Variants in HDAC9 observed in about 807,000 individuals in gnomAD.
HDAC9 encodes the protein MEF-2 interacting transcription repressor (MITR) protein.
In HDAC9, 41 loss-of-function variants were observed where a neutral mutation model predicts 139.4. The ratio of observed to expected loss-of-function variants is 0.29; its 90% CI spans 0.23 to 0.38. HDAC9 has a LOEUF of 0.38. HDAC9 is among the 10% of genes least tolerant of loss of function. HDAC9 has a pLI of 1.00. For missense variants in HDAC9, 1,147 were observed against 1,297.0 expected, an observed-to-expected ratio of 0.88 and a Z score of 1.78; for synonymous variants, 517 against 476.2, an observed-to-expected ratio of 1.09 and a Z score of -1.12.
chr7:18,294,258 C>T (rs1482097035), intron 1 of HDAC9, among the ~76,000 whole-genome samples: 1 of 152,028 alleles, frequency 6.6e-6, no homozygotes, highest in Non-Finnish European at 1.5e-5. Context: ...ATCCCAGACC[C>T]TGGGATTAGA....
At chr7:18,514,593 A>G (rs1802576723) in intron 2 of HDAC9, among the ~76,000 whole-genome samples, 2 of 152,246 alleles carry the variant, frequency 1.3e-5, no homozygotes, top group African/African-American at 4.8e-5. Context: ...CAGCTGCTTA[A>G]TAAGTAAATA....
intron 2 of HDAC9, among the ~76,000 whole-genome samples, chr7:18,528,136 C>T (rs561867189): frequency 4.2e-4 from 64 of 150,828 alleles, no homozygotes; most frequent in African/African-American, 7.6e-4. Flanking sequence ...TCAGTCTCTA[C>T]GAAAATAAAA....
At chr7:18,200,587 T>A (rs955337893) in intron 2 of HDAC9, among the ~76,000 whole-genome samples, 2 of 152,198 alleles carry the variant, frequency 1.3e-5, no homozygotes, top group Non-Finnish European at 2.9e-5. Context: ...AAGCCGTAAT[T>A]CATCCGCAAG....
At position 18,149,270 on chromosome 7, in the gene HDAC9, T is replaced by G. The variant is rs1786571435; in HGVS notation, c.-96-12959T>G. Among the ~76,000 whole-genome samples, 4 of 151,440 alleles carry G rather than the reference T, an allele frequency of 2.6e-5. No homozygotes were observed. The South Asian group carries it at 8.3e-4, about 31-fold the overall frequency. ...TTTTGTTTTCTTACTCGTTTATACA[T>G]AAGAAAAAAGAAAAGAAAAAATAAT... On this transcript the variant is annotated intron_variant, in intron 1 of 12. Transcript: ENST00000417496.
chr7:18,314,950 A>G (rs1799539903), intron 1 of HDAC9, among the ~76,000 whole-genome samples: 1 of 152,164 alleles, frequency 6.6e-6, no homozygotes, highest in Admixed American at 6.5e-5. Context: ...GTGAGAAATA[A>G]AGATCAGTAA....
chr7:18,990,803 C>G (rs940079337), intron 25 of HDAC9, among the ~76,000 whole-genome samples: 3 of 152,228 alleles, frequency 2.0e-5, no homozygotes, highest in Non-Finnish European at 4.4e-5. Context: ...TGGGAGTGAC[C>G]TGATTTTCCA....
chr7:18,767,523 T>G (rs151215814), intron 16 of HDAC9, among the ~76,000 whole-genome samples: 1 of 152,228 alleles, frequency 6.6e-6, no homozygotes, highest in Non-Finnish European at 1.5e-5. Flanking sequence ...AATTCCATTT[T>G]CAATAGAATC....
At position 18,115,280 on chromosome 7, in the gene HDAC9, G is replaced by A. The variant is rs556380192; in HGVS notation, c.-97+28067G>A. Among the ~76,000 whole-genome samples the A allele has an allele frequency of 3.9e-4, 51 of 131,364 alleles. No homozygotes were observed. The Middle Eastern group carries it at 0.015, about 39-fold the overall frequency. 86.2% of individuals were successfully genotyped at this position (131,364 alleles called of 152,430 possible). On this transcript the variant is annotated intron_variant, in intron 1 of 12. Transcript: ENST00000417496. ...TGCACTCCAGCCTAGGTGACAGAGC[G>A]AGACTCTGTCTCAAAAAAAAAAAAA...
chr7:18,218,444 AAAATAAAT>A (rs1354712773), intron 2 of HDAC9, among the ~76,000 whole-genome samples: 1 of 152,058 alleles, frequency 6.6e-6, no homozygotes, highest in Non-Finnish European at 1.5e-5. Context: ...ACTCTGTCTC[AAAATAAAT>A]AAATAAATAA....
intron 1 of HDAC9, among the ~76,000 whole-genome samples, chr7:18,153,340 A>T (rs142065607): frequency 7.9e-6 from 1 of 126,248 alleles, no homozygotes; most frequent in Non-Finnish European, 1.6e-5. Context: ...GAGCCCTGTT[A>T]TGGAATTTTC....
chr7:18,922,134 C>T (rs1004721751), intron 22 of HDAC9, among the ~76,000 whole-genome samples: 5 of 151,418 alleles, frequency 3.3e-5, no homozygotes, highest in African/African-American at 1.2e-4. Flanking sequence ...TGCTAAATGA[C>T]GAGTTAATGG....
intron 21 of HDAC9, among the ~76,000 whole-genome samples, chr7:18,857,227 C>G (rs1207010999): frequency 6.6e-6 from 1 of 151,550 alleles, no homozygotes; most frequent in South Asian, 2.1e-4. Context: ...TGTGTTGCAG[C>G]ACATAAAAAG....
At chr7:18,746,363 A>G (rs1787977954) in intron 13 of HDAC9, among the ~76,000 whole-genome samples, 1 of 152,302 alleles carries the variant, frequency 6.6e-6, no homozygotes, top group African/African-American at 2.4e-5. Context: ...TTTAAATGTT[A>G]TTCTTCCTTC....
chr7:18,610,105 T>A (rs563819361), intron 6 of HDAC9, among the ~76,000 whole-genome samples: 3 of 152,254 alleles, frequency 2.0e-5, no homozygotes, highest in African/African-American at 7.2e-5. Context: ...CGCACACATA[T>A]GTTTATTGCG....
chr7:18,503,513 G>A (rs1798948830), intron 2 of HDAC9, among the ~76,000 whole-genome samples: 1 of 152,154 alleles, frequency 6.6e-6, no homozygotes, highest in African/African-American at 2.4e-5. Context: ...TACTTCTTGT[G>A]TTTTTATAAG....
chr7:18,748,797 C>T (rs145020864), intron 13 of HDAC9, among the ~76,000 whole-genome samples: 1 of 152,134 alleles, frequency 6.6e-6, no homozygotes, highest in African/African-American at 2.4e-5. Flanking sequence ...CTGGTTAATG[C>T]GTAAGTTCGT....
chr7:18,377,744 T>A (rs1362129893), intron 1 of HDAC9, among the ~76,000 whole-genome samples: 2 of 152,222 alleles, frequency 1.3e-5, no homozygotes, highest in Admixed American at 6.5e-5. Flanking sequence ...TTGCCTGTGA[T>A]TTCTTCTCCA....
intron 8 of HDAC9, among the ~76,000 whole-genome samples, chr7:18,638,394 A>G (rs543689777): frequency 6.6e-6 from 1 of 152,202 alleles, no homozygotes; most frequent in South Asian, 2.1e-4. Context: ...TAGGAGGAGA[A>G]TTTACTCATA....
chr7:18,647,542 A>G (rs1787823155), intron 9 of HDAC9, among the ~76,000 whole-genome samples: 1 of 152,166 alleles, frequency 6.6e-6, no homozygotes, highest in South Asian at 2.1e-4. Flanking sequence ...TTTTAATTAT[A>G]AAACCTTTTT....
Sources: allele counts gnomAD v4.1 joint callset (sites outside exome capture counted in the v4.1 genomes callset), GRCh38; gene constraint gnomAD v4.1.1; transcripts MANE v1.5; gene names NCBI Gene and HGNC (gene_info 2026-07-23, HGNC 2026-07-21).